The following ARHGAP35 variants were observed in gnomAD, a reference collection of about 807,000 sequenced individuals.
ARHGAP35 encodes the protein Rho GTPase activating protein 35.
A neutral mutation model predicts 111.1 loss-of-function variants in ARHGAP35; 15 were observed. The ratio of observed to expected loss-of-function variants is 0.13; its 90% CI spans 0.09 to 0.21. The LOEUF (loss-of-function observed/expected upper bound fraction) is 0.21, where lower values mean the gene tolerates loss of function less well. Ranked by LOEUF, ARHGAP35 falls within the 10% of genes least tolerant of loss-of-function variation. The pLI is 1.00. For missense variants in ARHGAP35, 1,262 were observed against 1,873.0 expected, an observed-to-expected ratio of 0.67 and a Z score of 6.02; for synonymous variants, 643 against 710.3, an observed-to-expected ratio of 0.91 and a Z score of 1.51.
chr19:47,000,316 TG>T lies in ARHGAP35; in HGVS notation c.4143-13del. On this transcript the variant is annotated splice_polypyrimidine_tract_variant and intron_variant, in intron 6 of 6. Transcript: ENST00000672722. This position sits in a 1 kb window ranked among gnomAD's most constrained non-coding sequence, Gnocchi z 6.9. Reference sequence around the variant, plus strand: ...CCTGCACAGTTCTGACCATTGAGTTTGGTGTCGCCCGCAGGGTCAGCCACAA... The same window carrying T: ...CCTGCACAGTTCTGACCATTGAGTTTGTGTCGCCCGCAGGGTCAGCCACAA... 1 of 1,611,910 alleles carries T rather than the reference TG, an allele frequency of 6.2e-7. No individual in the cohort carries two copies. Among genetic ancestry groups the T allele is most frequent in the Non-Finnish European group, 8.5e-7 (1 of 1,178,704 alleles).
intron 5 of ARHGAP35, among the ~76,000 whole-genome samples, chr19:46,996,838 G>A (rs1157800818): frequency 6.6e-6 from 1 of 152,234 alleles, no homozygotes; most frequent in South Asian, 2.1e-4. Flanking sequence ...ACAATGAATT[G>A]TTTGAAGACT....
intron 1 of ARHGAP35, among the ~76,000 whole-genome samples, chr19:46,885,866 A>G (rs1350915319): frequency 1.3e-5 from 2 of 152,134 alleles, no homozygotes; most frequent in African/African-American, 2.4e-5. Context: ...TCCCAGGCTC[A>G]AGCAATCCTC....
At chr19:46,939,514 A>C (rs932798645) in intron 3 of ARHGAP35, among the ~76,000 whole-genome samples, 1 of 151,886 alleles carries the variant, frequency 6.6e-6, no homozygotes, top group African/African-American at 2.4e-5. Context: ...GGTTCAAGCA[A>C]TCCTCCCACC....
At chr19:46,885,794 T>G (rs953453347) in intron 1 of ARHGAP35, among the ~76,000 whole-genome samples, 5 of 152,230 alleles carry the variant, frequency 3.3e-5, no homozygotes, top group Non-Finnish European at 7.4e-5. Flanking sequence ...TAATCTTAAT[T>G]TTTTTAATTT....
chr19:46,914,039 A>G (rs2056151897), intron 1 of ARHGAP35, among the ~76,000 whole-genome samples: 1 of 152,332 alleles, frequency 6.6e-6, no homozygotes, highest in African/African-American at 2.4e-5. Flanking sequence ...TTTGTGACCA[A>G]GCACTTAAAG....
chr19:46,868,539 C>T (rs2055870333), intron 1 of ARHGAP35, among the ~76,000 whole-genome samples: 1 of 152,136 alleles, frequency 6.6e-6, no homozygotes, highest in Admixed American at 6.6e-5. Context: ...GAATGTACAC[C>T]ACAAGTACCA....
chr19:46,871,597 C>T (rs1262598632), intron 1 of ARHGAP35, among the ~76,000 whole-genome samples: 2 of 151,934 alleles, frequency 1.3e-5, no homozygotes. Flanking sequence ...CCTGCCTCAG[C>T]CTCCCAAAGT....
intron 3 of ARHGAP35, among the ~76,000 whole-genome samples, chr19:46,951,831 C>T (rs967177307): frequency 1.3e-5 from 2 of 152,164 alleles, no homozygotes; most frequent in East Asian, 1.9e-4. Context: ...GAGTAGCCCA[C>T]GTGACTTGTT....
In ARHGAP35 at chr19:46,919,029, G is replaced by C. The variant is rs771957390; in HGVS notation, c.354G>C (p.Lys118Asn). ...GCACGGCCCTGCAGCCCTATATCAA[G>C]AGAGCTGCTGCGACCAAGCTTGCAT... ...HRSTALQPYI[K>N]RAAATKLASA... Residue 118 changes from lysine (K) to asparagine (N), a missense_variant, in exon 2 of 7, where the codon AAG (lysine) becomes AAC (asparagine). Lys to Asn is a moderately conservative substitution (Grantham distance 94). Coordinates refer to ENST00000672722, the MANE Select transcript of ARHGAP35 (RefSeq NM_004491.5). The surrounding 1 kb of genome is among the most constrained non-coding windows in gnomAD (Gnocchi z 6.2). 3 of 1,613,946 alleles carry C rather than the reference G, an allele frequency of 1.9e-6. No homozygotes were observed. Among genetic ancestry groups the C allele is most frequent in the Non-Finnish European group, 1.7e-6 (2 of 1,179,850 alleles).
intron 1 of ARHGAP35, among the ~76,000 whole-genome samples, chr19:46,888,234 A>C (rs533869196): frequency 5.3e-4 from 68 of 127,156 alleles, no homozygotes; most frequent in Middle Eastern, 4.0e-3. Flanking sequence ...TTACAGGCGT[A>C]AGCCACCGCA....
At chr19:46,899,679 G>A (rs1159253319) in intron 1 of ARHGAP35, among the ~76,000 whole-genome samples, 2 of 149,294 alleles carry the variant, frequency 1.3e-5, no homozygotes, top group Non-Finnish European at 3.0e-5. Context: ...CAGCCTGGGT[G>A]ACAGAGTGAG....
chr19:46,916,134 C>T (rs879465179), intron 1 of ARHGAP35, among the ~76,000 whole-genome samples: 5 of 152,014 alleles, frequency 3.3e-5, no homozygotes, highest in African/African-American at 4.8e-5. Flanking sequence ...CGGGGTTTCA[C>T]CATGTTAGCC....
intron 1 of ARHGAP35, among the ~76,000 whole-genome samples, chr19:46,911,864 C>T (rs1308742943): frequency 1.3e-5 from 2 of 152,056 alleles, no homozygotes; most frequent in African/African-American, 2.4e-5. Context: ...TGAATAAGGA[C>T]CTTGAACTCT....
chr19:46,965,402 A>G (rs2056508370), intron 3 of ARHGAP35, among the ~76,000 whole-genome samples: 1 of 152,092 alleles, frequency 6.6e-6, no homozygotes, highest in South Asian at 2.1e-4. Context: ...CTAAATTTTT[A>G]CTCTCAAAAG....
intron 1 of ARHGAP35, among the ~76,000 whole-genome samples, chr19:46,903,804 A>C (rs979428900): frequency 1.3e-5 from 2 of 152,242 alleles, no homozygotes; most frequent in Non-Finnish European, 2.9e-5. Flanking sequence ...CACTTTATAG[A>C]AAATGCACTT....
intron 1 of ARHGAP35, among the ~76,000 whole-genome samples, chr19:46,904,734 G>A (rs879705962): frequency 7.9e-5 from 12 of 152,184 alleles, no homozygotes; most frequent in Admixed American, 5.9e-4. Flanking sequence ...CAGAGGTGGC[G>A]GGGGAGAGGG....
intron 1 of ARHGAP35, among the ~76,000 whole-genome samples, chr19:46,873,555 T>C (rs1490742755): frequency 6.7e-6 from 1 of 148,970 alleles, no homozygotes; most frequent in Non-Finnish European, 1.5e-5. Flanking sequence ...GGAGAATTGC[T>C]AGAACCCAGG....
intron 3 of ARHGAP35, among the ~76,000 whole-genome samples, chr19:46,956,757 C>T (rs925350366): frequency 2.0e-5 from 3 of 152,152 alleles, no homozygotes; most frequent in Admixed American, 6.6e-5. Context: ...TACCCAGTAG[C>T]TGTGTGATCT....
At chr19:46,985,955 A>G (rs753718500) in intron 3 of ARHGAP35, among the ~76,000 whole-genome samples, 1 of 152,142 alleles carries the variant, frequency 6.6e-6, no homozygotes, top group Admixed American at 6.5e-5. Flanking sequence ...CTCCAGAGGT[A>G]GCAGTGACAA....
Sources: gnomAD v4.1 joint callset for allele counts (sites outside exome capture counted in the v4.1 genomes callset) on GRCh38, gnomAD v4.1.1 for gene constraint, Gnocchi (gnomAD v3.1) non-coding constraint, MANE v1.5 for transcripts, NCBI Gene and HGNC (gene_info 2026-07-23, HGNC 2026-07-21) for gene names.